The following USP15 variants were observed in gnomAD, a reference collection of about 807,000 sequenced individuals.
The protein encoded by USP15 is ubiquitin carboxyl-terminal hydrolase 15.
A neutral mutation model predicts 127.1 loss-of-function variants in USP15; 18 were observed. The observed-to-expected ratio is 0.14, with a 90% confidence interval of 0.10 to 0.21. The LOEUF (loss-of-function observed/expected upper bound fraction) is 0.21. Ranked by LOEUF, USP15 falls within the 10% of genes least tolerant of loss-of-function variation. USP15 has a pLI of 1.00. For synonymous variants in USP15, 364 were observed against 393.7 expected (o/e 0.92, Z 0.89); for missense variants, 805 against 1,159.9 (o/e 0.69, Z 4.44).
chr12:62,356,316 GAT>G (rs891285002), intron 8 of USP15, among the ~76,000 whole-genome samples: 34 of 151,744 alleles, frequency 2.2e-4, no homozygotes, highest in African/African-American at 7.7e-4. Context: ...AGCCTCAAAA[GAT>G]ATAGATTAAA....
intron 21 of USP15, among the ~76,000 whole-genome samples, chr12:62,402,465 A>G (rs553426013): frequency 2.1e-4 from 32 of 152,214 alleles, no homozygotes; most frequent in Non-Finnish European, 4.0e-4. Flanking sequence ...TGAGGGGACA[A>G]TAACCAGCAC....
chr12:62,336,564 C>T (rs1170800651), intron 6 of USP15: 6 of 856,170 alleles, frequency 7.0e-6, no homozygotes, highest in Non-Finnish European at 8.4e-6. Context: ...TAATATTTGT[C>T]ATATTCGAAA....
intron 3 of USP15, among the ~76,000 whole-genome samples, chr12:62,310,645 G>A (rs2064645275): frequency 6.6e-6 from 1 of 151,820 alleles, no homozygotes; most frequent in Non-Finnish European, 1.5e-5. Flanking sequence ...GAGCACCTAG[G>A]TTGGTTCCAT....
At position 62,408,767 on chromosome 12, in the gene USP15, T is replaced by G. The variant is rs1228276380; in HGVS notation, c.*4392T>G. The G allele has an allele frequency of 6.6e-6, 1 of 152,092 alleles. No individual in the cohort carries two copies. The highest frequency in any genetic ancestry group is 6.6e-5 in the Admixed American group (1 of 15,244). 9.4% of individuals were successfully genotyped at this position (152,092 alleles called of 1,614,324 possible). A position where few individuals can be genotyped will look rare whatever the true frequency, so the allele number is the denominator to read the frequency against. On this transcript the variant is annotated 3_prime_UTR_variant, in exon 22 of 22. Transcript: ENST00000280377. The stretch of plus-strand genomic sequence containing the variant: ...TTGCAGATCTATATTATATATCATT[T>G]TATTATCAGATTTTCTAGTGAGAAA...
chr12:62,279,164 C>T (rs2063579359), intron 1 of USP15: 1 of 152,104 alleles, frequency 6.6e-6, no homozygotes, highest in Non-Finnish European at 1.5e-5. Context: ...TTATTTCTTC[C>T]TTTCCCCAGC....
chr12:62,392,147 GAAAT>G (rs1410571433), intron 17 of USP15, 121 bp from the exon 18 acceptor site: 1 of 753,612 alleles, frequency 1.3e-6, no homozygotes, highest in Non-Finnish European at 2.2e-6. Context: ...AATCTCAACT[GAAAT>G]AAGCTTTATG....
At chr12:62,345,164 T>C (rs1394160290) in intron 6 of USP15, among the ~76,000 whole-genome samples, 1 of 152,210 alleles carries the variant, frequency 6.6e-6, no homozygotes. Context: ...TCTGTTCCCA[T>C]TATAAAACTG....
At chr12:62,367,293 G>A (rs946447461) in intron 8 of USP15, among the ~76,000 whole-genome samples, 5 of 151,818 alleles carry the variant, frequency 3.3e-5, no homozygotes, top group African/African-American at 7.3e-5. Flanking sequence ...GTGCAGTGGC[G>A]TGATCTCAGC....
intron 1 of USP15, among the ~76,000 whole-genome samples, chr12:62,287,532 C>G (rs995695481): frequency 2.6e-5 from 4 of 152,092 alleles, no homozygotes; most frequent in Non-Finnish European, 4.4e-5. Flanking sequence ...TCTGTTCTCT[C>G]AATTATTTCC....
intron 20 of USP15, among the ~76,000 whole-genome samples, chr12:62,397,158 T>A (rs1404732159): frequency 6.6e-6 from 1 of 152,256 alleles, no homozygotes; most frequent in Non-Finnish European, 1.5e-5. Context: ...CAGATTTATT[T>A]AGGGTTGTTA....
At chr12:62,283,717 C>T (rs11174413) in intron 1 of USP15, among the ~76,000 whole-genome samples, 5 of 152,082 alleles carry the variant, frequency 3.3e-5, no homozygotes, top group Admixed American at 6.5e-5. Context: ...CCGAGGCAGG[C>T]GGATCACTTG....
intron 1 of USP15, among the ~76,000 whole-genome samples, chr12:62,277,864 A>G (rs928981490): frequency 1.3e-5 from 2 of 152,180 alleles, no homozygotes; most frequent in African/African-American, 4.8e-5. Flanking sequence ...TATAAACACC[A>G]TACACTTAGG....
rs115679895 is a variant in USP15 at position 62,278,126 on chromosome 12, A to G, written c.90-16053A>G. On this transcript the variant is annotated intron_variant, in intron 1 of 21. Transcript: ENST00000280377. ...GTTTTTTTGCCGTAAACTAAGAGACAAACACACATTAACCTAGGCCTGCAC... is the reference window on the plus strand; with the variant it reads ...GTTTTTTTGCCGTAAACTAAGAGACGAACACACATTAACCTAGGCCTGCAC... Among the ~76,000 whole-genome samples, 1,400 of 152,238 alleles carry G rather than the reference A, an allele frequency of 9.2e-3. 22 individuals are homozygous for G. The highest frequency in any genetic ancestry group is 0.032 in the African/African-American group (1,323 of 41,532).
At position 62,287,800 on chromosome 12, in the gene USP15, TC is replaced by T. The variant is rs768196375; in HGVS notation, c.90-6378del. 2.6e-5 allele frequency among the ~76,000 whole-genome samples: 4 copies of T among 152,212 alleles called. No homozygotes were observed. In the East Asian group the frequency reaches 7.7e-4, roughly 29 times the overall value. On this transcript the variant is annotated intron_variant, in intron 1 of 21. Coordinates refer to ENST00000280377, the MANE Select transcript of USP15 (RefSeq NM_001252078.2). ...AGAAGTAGGGGCCCAGTTTCATTCT[TC>T]TGCATGTGGCAATCCAGTTTTCCCT...
At chr12:62,389,143 A>G (rs2137606450) in intron 11 of USP15, among the ~76,000 whole-genome samples, 1 of 152,312 alleles carries the variant, frequency 6.6e-6, no homozygotes, top group Admixed American at 6.5e-5. Flanking sequence ...CAACAAACAA[A>G]AAAAGATAGC....
intron 16 of USP15, 83 bp from the exon 17 acceptor site, chr12:62,391,733 T>G: frequency 8.4e-7 from 1 of 1,196,198 alleles, no homozygotes; most frequent in African/African-American, 1.6e-5. Flanking sequence ...GTTTGTTTAT[T>G]CTGGTGTATA....
rs758259570 is a variant in USP15 at position 62,404,419 on chromosome 12, G to A, written c.*44G>A. ...TAAAAGAGACACTTTCCTGCTGGTG[G>A]TATCTATGGAAATGATGAAGTTACC... On this transcript the variant is annotated 3_prime_UTR_variant, in exon 22 of 22. Transcript: ENST00000280377. 12 of 1,498,688 alleles carry A rather than the reference G, an allele frequency of 8.0e-6. No homozygotes were observed. Among genetic ancestry groups the A allele is most frequent in the East Asian group, 7.3e-5 (3 of 41,356 alleles). The allele number at this position is 1,498,688 out of a possible 1,614,324, so 92.8% of individuals were successfully genotyped here.
At chr12:62,348,411 C>A (rs1159634834) in intron 6 of USP15, among the ~76,000 whole-genome samples, 1 of 152,116 alleles carries the variant, frequency 6.6e-6, no homozygotes, top group Non-Finnish European at 1.5e-5. Flanking sequence ...AAAAGTGAAT[C>A]ATTCGGGGCC....
chr12:62,311,072 A>AT (rs2064663871), intron 3 of USP15, among the ~76,000 whole-genome samples: 1 of 144,648 alleles, frequency 6.9e-6, no homozygotes, highest in Non-Finnish European at 1.5e-5. Context: ...AATGGGATTG[A>AT]TTTTTACCTG....
Sources: gnomAD v4.1 joint callset for allele counts (sites outside exome capture counted in the v4.1 genomes callset) on GRCh38, gnomAD v4.1.1 for gene constraint, MANE v1.5 for transcripts, NCBI Gene and HGNC (gene_info 2026-07-23, HGNC 2026-07-21) for gene names.